The following HYDIN variants were observed in gnomAD, a reference collection of about 807,000 sequenced individuals.
HYDIN encodes HYDIN axonemal central pair apparatus protein, also known as axonemal central pair apparatus protein HYDIN.
HYDIN carries 132 observed loss-of-function variants against 403.9 expected under a neutral mutation model. The observed-to-expected ratio is 0.33, with a 90% CI of 0.28 to 0.38. HYDIN has a LOEUF of 0.38. Ranked by LOEUF, HYDIN falls within the 10% of genes least tolerant of loss-of-function variation. The probability of loss-of-function intolerance (pLI) is 1.00; values close to 1 mark genes in which losing one functional copy is unlikely to be tolerated. For missense variants in HYDIN, 2,827 were observed against 5,009.5 expected (o/e 0.56, Z 13.15); for synonymous variants, 1,202 against 1,891.7 (o/e 0.64, Z 9.46).
intron 18 of HYDIN, among the ~76,000 whole-genome samples, chr16:71,052,160 T>C (rs972494987): frequency 3.9e-5 from 6 of 152,258 alleles, no homozygotes; most frequent in Non-Finnish European, 7.3e-5. Flanking sequence ...AATAATAAAA[T>C]CTACCTAATC....
Position 70,804,988 on chromosome 16 carries a change from C to T in HYDIN, c.*2592G>A, listed in dbSNP as rs1019286304. On this transcript the variant is annotated 3_prime_UTR_variant, in exon 86 of 86. Transcript: ENST00000393567. ...CAAGATTTCAGACAGCTTCTTCCACCTTTTCTTTAGTCTTAGGGATCACTT... is the reference window on the plus strand; with the variant it reads ...CAAGATTTCAGACAGCTTCTTCCACTTTTTCTTTAGTCTTAGGGATCACTT... Among the ~76,000 whole-genome samples, 3 of 152,246 alleles carry T rather than the reference C, an allele frequency of 2.0e-5. No homozygotes were observed. Among genetic ancestry groups the T allele is most frequent in the Non-Finnish European group, 4.4e-5 (3 of 68,044 alleles).
chr16:70,809,580 G>A (rs946661593), intron 85 of HYDIN, among the ~76,000 whole-genome samples: 2 of 152,198 alleles, frequency 1.3e-5, no homozygotes, highest in African/African-American at 4.8e-5. Flanking sequence ...AGTCTGTAAT[G>A]GAAGAACCCA....
intron 77 of HYDIN, among the ~76,000 whole-genome samples, chr16:70,836,570 C>T (rs1224685526): frequency 6.6e-6 from 1 of 152,212 alleles, no homozygotes; most frequent in Non-Finnish European, 1.5e-5. Flanking sequence ...TCAGGTAAGA[C>T]ACTGATTAAA....
intron 18 of HYDIN, among the ~76,000 whole-genome samples, chr16:71,060,201 T>C (rs2082034639): frequency 6.6e-6 from 1 of 151,884 alleles, no homozygotes. Context: ...TGGGATTCTA[T>C]TGACTGTACT....
intron 45 of HYDIN, among the ~76,000 whole-genome samples, chr16:70,933,164 A>G (rs1034582110): frequency 6.6e-6 from 1 of 152,106 alleles, no homozygotes; most frequent in African/African-American, 2.4e-5. Flanking sequence ...CGGGTGAGAC[A>G]GCTGGGGATG....
At chr16:71,053,835 TG>T (rs11329772) in intron 18 of HYDIN, among the ~76,000 whole-genome samples, 22,130 of 133,192 alleles carry the variant, frequency 0.17, no homozygotes, top group African/African-American at 0.23. Context: ...AAGATTAACA[TG>T]TGTTAATTTT....
At chr16:71,177,421 T>C (rs1293185185) in intron 4 of HYDIN, among the ~76,000 whole-genome samples, 1 of 152,204 alleles carries the variant, frequency 6.6e-6, no homozygotes, top group Admixed American at 6.5e-5. Flanking sequence ...AACACAATCT[T>C]GTGTACCTCC....
chr16:71,096,494 T>C (rs570779378), intron 10 of HYDIN, among the ~76,000 whole-genome samples: 154 of 152,332 alleles, frequency 1.0e-3, no homozygotes, highest in Middle Eastern at 6.8e-3. Flanking sequence ...TGTGTGTGTG[T>C]TCTTTTTCTA....
chr16:70,926,232 C>T (rs1218412940), intron 45 of HYDIN, among the ~76,000 whole-genome samples: 1 of 151,334 alleles, frequency 6.6e-6, no homozygotes, highest in Non-Finnish European at 1.5e-5. Flanking sequence ...CAATGATAGA[C>T]TGGATTAAGA....
rs187897086 is a variant in HYDIN at position 70,908,911 on chromosome 16, C to T, written c.8005-50G>A. 91 of 1,602,536 alleles carry T rather than the reference C, an allele frequency of 5.7e-5. No homozygotes were observed. The Admixed American group carries it at 1.5e-3, about 27-fold the overall frequency. ...CTTAAATATTCACTTTTTGTACACA[C>T]AAACAGAAGACAGAGATGGCCACAT... On this transcript the variant is annotated intron_variant, in intron 47 of 85. Coordinates refer to ENST00000393567, the MANE Select transcript of HYDIN (RefSeq NM_001270974.2).
intron 18 of HYDIN, among the ~76,000 whole-genome samples, chr16:71,048,370 TG>T (rs2081519959): frequency 7.5e-6 from 1 of 132,812 alleles, no homozygotes; most frequent in Non-Finnish European, 1.7e-5. Flanking sequence ...GTGGGATTGC[TG>T]GATCATAGGA....
intron 18 of HYDIN, among the ~76,000 whole-genome samples, chr16:71,038,571 G>A (rs1408936604): frequency 6.6e-6 from 1 of 151,036 alleles, no homozygotes; most frequent in Admixed American, 6.6e-5. Flanking sequence ...CAGAGTGAGG[G>A]ATTTCTTTGG....
At chr16:71,205,654 C>A (rs1356786610) in intron 1 of HYDIN, among the ~76,000 whole-genome samples, 2 of 152,194 alleles carry the variant, frequency 1.3e-5, no homozygotes, top group Non-Finnish European at 2.9e-5. Context: ...AGCTTCTGGC[C>A]CACCTCCAGC....
intron 45 of HYDIN, among the ~76,000 whole-genome samples, chr16:70,932,292 T>C (rs913467252): frequency 7.2e-5 from 11 of 151,882 alleles, no homozygotes; most frequent in Admixed American, 2.0e-4. Flanking sequence ...GAAGCGGAGG[T>C]TGCAGTGAGC....
Position 70,902,807 on chromosome 16 carries a change from ATATATATATATATAT to A in HYDIN, c.8849+803_8849+817del, listed in dbSNP as rs1309509191. The stretch of plus-strand genomic sequence containing the variant: ...ATCTACTCTTTAAATATATATATAT[ATATATATATATATAT>A]TTTTTTTTTTTTTTTTGTCCCACTC... On this transcript the variant is annotated intron_variant, in intron 52 of 85. Coordinates refer to ENST00000393567, the MANE Select transcript of HYDIN (RefSeq NM_001270974.2). 6.0e-3 allele frequency among the ~76,000 whole-genome samples: 115 copies of A among 19,188 alleles called. 2 individuals carry two copies. The Middle Eastern group carries it at 0.06, about 10-fold the overall frequency. 12.6% of individuals were successfully genotyped at this position (19,188 alleles called of 152,430 possible). A position where few individuals can be genotyped will look rare whatever the true frequency, so the allele number is the denominator to read the frequency against.
chr16:70,854,448 CTT>C (rs2038886338), intron 73 of HYDIN, among the ~76,000 whole-genome samples: 1 of 151,048 alleles, frequency 6.6e-6, no homozygotes, highest in Non-Finnish European at 1.5e-5. Flanking sequence ...GAGTTTCGCT[CTT>C]GTCACCCTGG....
chr16:71,081,903 G>A (rs2082796463), intron 12 of HYDIN, among the ~76,000 whole-genome samples: 1 of 123,164 alleles, frequency 8.1e-6, no homozygotes, highest in African/African-American at 3.9e-5. Context: ...AAAAATAGGA[G>A]GGAAGAAAAT....
chr16:70,930,337 C>A (rs554780744), intron 45 of HYDIN, among the ~76,000 whole-genome samples: 2 of 152,126 alleles, frequency 1.3e-5, no homozygotes, highest in East Asian at 3.9e-4. Context: ...AAAAATTAGC[C>A]GGGCATGGTG....
Position 71,219,308 on chromosome 16 carries a change from A to T in HYDIN, c.-24+11254T>A, listed in dbSNP as rs537672361. ...TATTAAAGCAAGAAGATGCCATTTT[A>T]AAAAAAAAATAAGGGGCAGATTTAT... On this transcript the variant is annotated intron_variant, in intron 1 of 85. Transcript: ENST00000393567. 3.5e-4 allele frequency among the ~76,000 whole-genome samples: 52 copies of T among 147,708 alleles called. No individual in the cohort carries two copies. In the South Asian group the frequency reaches 9.4e-3, roughly 27 times the overall value.
Sources: gnomAD v4.1 joint callset for allele counts (sites outside exome capture counted in the v4.1 genomes callset) on GRCh38, gnomAD v4.1.1 for gene constraint, MANE v1.5 for transcripts, NCBI Gene and HGNC (gene_info 2026-07-23, HGNC 2026-07-21) for gene names.